The following ATAD1 variants were observed in gnomAD, a reference collection of about 807,000 sequenced individuals.
ATAD1 encodes the protein ATPase family AAA domain containing 1.
In ATAD1, 18 loss-of-function variants were observed where a neutral mutation model predicts 42.7. The observed-to-expected ratio is 0.42, with a 90% confidence interval of 0.29 to 0.63. ATAD1 has a LOEUF of 0.63. Among genes scored for constraint, ATAD1 ranks in the 20% least tolerant of loss-of-function variants. The pLI is 0.19. For synonymous variants in ATAD1, 132 were observed against 143.1 expected (o/e 0.92, Z 0.55); for missense variants, 294 against 440.4 (o/e 0.67, Z 2.98).
Position 87,776,442 on chromosome 10 carries a change from T to C in ATAD1, c.584-15A>G. Reference sequence around the variant, plus strand: ...TAGAAAGGAGTCTAGAAGTAAAAGGTCCTTAACCTTAGAAATTAAGAATTA... The same window carrying C: ...TAGAAAGGAGTCTAGAAGTAAAAGGCCCTTAACCTTAGAAATTAAGAATTA... On this transcript the variant is annotated splice_polypyrimidine_tract_variant and intron_variant, in intron 5 of 9. Transcript: ENST00000680024. 1 of 1,568,856 alleles carries C rather than the reference T, an allele frequency of 6.4e-7. No homozygotes were observed.
intron 6 of ATAD1, 22 bp downstream of exon 6, chr10:87,776,299 A>C: frequency 6.4e-7 from 1 of 1,571,536 alleles, no homozygotes. Flanking sequence ...ACACAAGTTG[A>C]GGGCAGATTT....
At chr10:87,766,421 A>G (rs1238025416) in intron 8 of ATAD1, among the ~76,000 whole-genome samples, 1 of 152,234 alleles carries the variant, frequency 6.6e-6, no homozygotes, top group East Asian at 1.9e-4. Context: ...TAGTGTAAAA[A>G]CAAAGAGAGA....
intron 8 of ATAD1, among the ~76,000 whole-genome samples, chr10:87,765,150 G>C (rs1854679102): frequency 6.6e-6 from 1 of 152,114 alleles, no homozygotes; most frequent in Admixed American, 6.5e-5. Context: ...TGTGGAAGTA[G>C]GGCATGGCTG....
chr10:87,830,501 G>GT (rs369762197), intron 1 of ATAD1, among the ~76,000 whole-genome samples: 35 of 152,208 alleles, frequency 2.3e-4, no homozygotes, highest in African/African-American at 8.4e-4. Flanking sequence ...TATGAATCAT[G>GT]TTTTTTTCCC....
chr10:87,780,500 G>C (rs1461041721), intron 5 of ATAD1, among the ~76,000 whole-genome samples: 1 of 152,076 alleles, frequency 6.6e-6, no homozygotes, highest in East Asian at 1.9e-4. Context: ...AATACTAGGA[G>C]AAACTATATA....
chr10:87,756,960 T>A lies in ATAD1; in HGVS notation c.832-38A>T, dbSNP rs761400818. The A allele has an allele frequency of 3.3e-6, 5 of 1,526,510 alleles. No homozygotes were observed. In the Admixed American group the frequency reaches 6.1e-5, roughly 19 times the overall value. 94.6% of individuals were successfully genotyped at this position (1,526,510 alleles called of 1,614,324 possible). On this transcript the variant is annotated intron_variant, in intron 8 of 9. Coordinates refer to ENST00000680024, the MANE Select transcript of ATAD1 (RefSeq NM_001321967.2). ...TAAAAACATGCTTAAAAAACAAAAATAAATATATTGTAAATGATACTACCA... is the reference window on the plus strand; with the variant it reads ...TAAAAACATGCTTAAAAAACAAAAAAAAATATATTGTAAATGATACTACCA...
At chr10:87,790,231 A>C in intron 4 of ATAD1, 79 bp downstream of exon 4, 4 of 1,531,264 alleles carry the variant, frequency 2.6e-6, no homozygotes, top group Non-Finnish European at 2.6e-6. Context: ...ATTTCACAAA[A>C]ACTAGTTCTA....
chr10:87,755,850 C>T (rs1019387914), intron 9 of ATAD1, among the ~76,000 whole-genome samples: 4 of 151,092 alleles, frequency 2.6e-5, no homozygotes, highest in African/African-American at 9.7e-5. Context: ...TGCAGTGAGC[C>T]GAGATCACAC....
chr10:87,794,093 G>T (rs1042984127), intron 2 of ATAD1, among the ~76,000 whole-genome samples: 1 of 152,044 alleles, frequency 6.6e-6, no homozygotes, highest in African/African-American at 2.4e-5. Flanking sequence ...GGTAGTACAC[G>T]CCTGTAGTCC....
intron 6 of ATAD1, among the ~76,000 whole-genome samples, chr10:87,772,727 A>G (rs1564747180): frequency 1.3e-5 from 2 of 152,206 alleles, no homozygotes; most frequent in Admixed American, 1.3e-4. Flanking sequence ...TTGAGTATGT[A>G]TAACAGATAC....
At chr10:87,811,376 A>G (rs541783482) in intron 2 of ATAD1, among the ~76,000 whole-genome samples, 4 of 152,170 alleles carry the variant, frequency 2.6e-5, no homozygotes, top group Non-Finnish European at 4.4e-5. Flanking sequence ...GATTTTTAAA[A>G]AATTATCAAG....
At chr10:87,825,403 A>G (rs1049729368) in intron 1 of ATAD1, among the ~76,000 whole-genome samples, 9 of 143,676 alleles carry the variant, frequency 6.3e-5, no homozygotes, top group Non-Finnish European at 1.2e-4. Context: ...TCCACCTCCT[A>G]GGTTCACGCC....
rs1564735783 is a variant in ATAD1 at position 87,754,959 on chromosome 10, A to G, written c.966-152T>C. On this transcript the variant is annotated intron_variant, in intron 9 of 9. Transcript: ENST00000680024. ...GGTATAAAAATGAAATCTCTTTACC[A>G]TTCAAGACCCCAAAGACAACCACAA... 23 of 853,810 alleles carry G rather than the reference A, an allele frequency of 2.7e-5. No individual in the cohort carries two copies. In the South Asian group the frequency reaches 4.5e-4, roughly 17 times the overall value. 52.9% of individuals were successfully genotyped at this position (853,810 alleles called of 1,614,324 possible).
chr10:87,816,881 T>C (rs866909994), intron 1 of ATAD1, among the ~76,000 whole-genome samples: 16 of 152,198 alleles, frequency 1.1e-4, no homozygotes, highest in African/African-American at 3.9e-4. Flanking sequence ...GTTTTCGTTT[T>C]AGAGTTGGTA....
chr10:87,799,702 T>TATCCCATGA (rs1336487338), intron 2 of ATAD1, among the ~76,000 whole-genome samples: 1 of 152,102 alleles, frequency 6.6e-6, no homozygotes, highest in African/African-American at 2.4e-5. Flanking sequence ...ATGGGATAAT[T>TATCCCATGA]GTAGACAAAC....
At chr10:87,826,905 T>G (rs1280758765) in intron 1 of ATAD1, among the ~76,000 whole-genome samples, 1 of 152,158 alleles carries the variant, frequency 6.6e-6, no homozygotes, top group African/African-American at 2.4e-5. Context: ...GAACACACAC[T>G]CATAGGCCAA....
intron 5 of ATAD1, among the ~76,000 whole-genome samples, chr10:87,778,191 A>AAC (rs1377771598): frequency 3.3e-5 from 5 of 150,460 alleles, no homozygotes; most frequent in Non-Finnish European, 7.4e-5. Flanking sequence ...AAAAAAAAAA[A>AAC]AAAAAAAAAC....
chr10:87,776,143 G>A (rs1470755416), intron 6 of ATAD1, among the ~76,000 whole-genome samples, 178 bp downstream of exon 6: 1 of 152,102 alleles, frequency 6.6e-6, no homozygotes, highest in Non-Finnish European at 1.5e-5. Context: ...TAAACACGAA[G>A]TCCTCAAATT....
intron 8 of ATAD1, 121 bp from the exon 9 acceptor site, chr10:87,757,043 G>T: frequency 1.4e-6 from 1 of 739,612 alleles, no homozygotes; most frequent in Non-Finnish European, 1.9e-6. Context: ...AGAAACAATA[G>T]TTTCTAGAAG....
Sources: allele counts gnomAD v4.1 joint callset (sites outside exome capture counted in the v4.1 genomes callset), GRCh38; gene constraint gnomAD v4.1.1; transcripts MANE v1.5; gene names NCBI Gene and HGNC (gene_info 2026-07-23, HGNC 2026-07-21).